Variants in TBC1D16 observed in about 807,000 individuals in gnomAD.
TBC1D16 encodes the protein CTD-2529O21.1.
In TBC1D16, 58 loss-of-function variants were observed where a neutral mutation model predicts 74.7. The observed-to-expected ratio is 0.78, with a 90% CI of 0.63 to 0.97. The LOEUF is 0.97. Among genes scored for constraint, TBC1D16 ranks in the 50% least tolerant of loss-of-function variants. The pLI is 0.00. For missense variants in TBC1D16, 1,014 were observed against 1,079.5 expected, an observed-to-expected ratio of 0.94 and a Z score of 0.85; for synonymous variants, 493 against 474.7, an observed-to-expected ratio of 1.04 and a Z score of -0.50.
At position 79,941,700 on chromosome 17, in the gene TBC1D16, C is replaced by T. The variant is rs974201988; in HGVS notation, c.2055+360G>A. Reference sequence around the variant, plus strand: ...CCCTGTCCCCAGGTCCAGCCTCCTTCTCAGTGTTCCCAGTTCTGGGTTGTA... The same window carrying T: ...CCCTGTCCCCAGGTCCAGCCTCCTTTTCAGTGTTCCCAGTTCTGGGTTGTA... On this transcript the variant is annotated intron_variant, in intron 11 of 11. Transcript: ENST00000310924. This position sits in a 1 kb window ranked among gnomAD's most constrained non-coding sequence, Gnocchi z 4.3. Among the ~76,000 whole-genome samples, 1 of 152,214 alleles carries T rather than the reference C, an allele frequency of 6.6e-6. No individual in the cohort carries two copies. Among genetic ancestry groups the T allele is most frequent in the Non-Finnish European group, 1.5e-5 (1 of 68,038 alleles).
chr17:79,973,068 C>A (rs758769355), intron 3 of TBC1D16, among the ~76,000 whole-genome samples: 1 of 152,120 alleles, frequency 6.6e-6, no homozygotes, highest in Non-Finnish European at 1.5e-5. Flanking sequence ...GGCAACAGAG[C>A]GAGACTTCGT....
Position 79,990,193 on chromosome 17 carries a change from G to A in TBC1D16, c.779+19967C>T, listed in dbSNP as rs2035004824. Among the ~76,000 whole-genome samples, 1 of 152,226 alleles carries A rather than the reference G, an allele frequency of 6.6e-6. No homozygotes were observed. Among genetic ancestry groups the A allele is most frequent in the African/African-American group, 2.4e-5 (1 of 41,452 alleles). On this transcript the variant is annotated intron_variant, in intron 3 of 11. Coordinates refer to ENST00000310924, the MANE Select transcript of TBC1D16 (RefSeq NM_019020.4). The surrounding 1 kb of genome is among the most constrained non-coding windows in gnomAD (Gnocchi z 4.8). Reference sequence around the variant, plus strand: ...TTTGACTTTCAGCTGCTCGGACGGAGGCTTCAACTCAGCCTGAACTAGCCG... The same window carrying A: ...TTTGACTTTCAGCTGCTCGGACGGAAGCTTCAACTCAGCCTGAACTAGCCG...
chr17:80,000,401 C>G lies in TBC1D16; in HGVS notation c.779+9759G>C, dbSNP rs2035443562. Among the ~76,000 whole-genome samples, 1 of 152,186 alleles carries G rather than the reference C, an allele frequency of 6.6e-6. No homozygotes were observed. Among genetic ancestry groups the G allele is most frequent in the South Asian group, 2.1e-4 (1 of 4,828 alleles). On this transcript the variant is annotated intron_variant, in intron 3 of 11. Coordinates refer to ENST00000310924, the MANE Select transcript of TBC1D16 (RefSeq NM_019020.4). The surrounding 1 kb of genome is among the most constrained non-coding windows in gnomAD (Gnocchi z 4.1). ...GGGACACACCCTGTCCATGTGGCAACAGAGGCAGGGGTCGGAATGATGTGG... is the reference window on the plus strand; with the variant it reads ...GGGACACACCCTGTCCATGTGGCAAGAGAGGCAGGGGTCGGAATGATGTGG...
At chr17:80,024,270 G>C (rs1406985272) in intron 1 of TBC1D16, among the ~76,000 whole-genome samples, 2 of 42,660 alleles carry the variant, frequency 4.7e-5, no homozygotes, top group Non-Finnish European at 9.6e-5. Context: ...CCCCGGAGGA[G>C]TCAGAGGCCG....
chr17:79,998,125 C>CAAAAAAAAAA (rs901486919), intron 3 of TBC1D16, among the ~76,000 whole-genome samples: 6 of 51,874 alleles, frequency 1.2e-4, no homozygotes, highest in African/African-American at 1.9e-4. Context: ...AACTCTGTCT[C>CAAAAAAAAAA]AAAAAAAAAA....
At chr17:79,973,847 C>G (rs767974806) in intron 3 of TBC1D16, among the ~76,000 whole-genome samples, 1 of 152,116 alleles carries the variant, frequency 6.6e-6, no homozygotes, top group African/African-American at 2.4e-5. Flanking sequence ...AGAGCAAGAC[C>G]CTGTCTCAAA....
Position 79,942,143 on chromosome 17 carries a change from C to A in TBC1D16, c.1972G>T (p.Glu658Ter), listed in dbSNP as rs139078916. Residue 658 changes from glutamate to a stop codon, truncating the protein, a stop_gained, in exon 11 of 12, where the codon GAG (glutamate) becomes TAG (stop). Transcript: ENST00000310924. LOFTEE classifies it high-confidence loss of function. Reference sequence around the variant, plus strand: ...ATCTGGTCCGTGGCCAGCTGCTGCTCGATGACGTCATCCCCGTAGATGGCC... The same window carrying A: ...ATCTGGTCCGTGGCCAGCTGCTGCTAGATGACGTCATCCCCGTAGATGGCC... ...IVAIYGDDVI[E>*]QQLATDQMLL... The A allele has an allele frequency of 9.3e-6, 15 of 1,610,474 alleles. No individual in the cohort carries two copies. Among genetic ancestry groups the A allele is most frequent in the Non-Finnish European group, 1.7e-6 (2 of 1,178,956 alleles).
chr17:80,023,665 C>CG (rs1484257196), intron 1 of TBC1D16, among the ~76,000 whole-genome samples: 4 of 142,754 alleles, frequency 2.8e-5, no homozygotes, highest in Admixed American at 6.8e-5. Context: ...GGGCCCCCCC[C>CG]CACCGGCTCA....
At chr17:79,991,081 T>C (rs896724627) in intron 3 of TBC1D16, among the ~76,000 whole-genome samples, 1 of 152,258 alleles carries the variant, frequency 6.6e-6, no homozygotes, top group African/African-American at 2.4e-5. Flanking sequence ...GCTCCTTCTC[T>C]TTATTTCTGA....
intron 3 of TBC1D16, among the ~76,000 whole-genome samples, chr17:79,963,206 G>T (rs1201796756): frequency 1.4e-5 from 2 of 145,338 alleles, no homozygotes; most frequent in Non-Finnish European, 3.0e-5. Context: ...GACAGAGTGG[G>T]ACTCCATCTC....
Position 79,950,496 on chromosome 17 carries a change from C to G in TBC1D16, c.1172G>C (p.Ser391Thr), listed in dbSNP as rs752250390. The G allele has an allele frequency of 6.2e-7, 1 of 1,613,404 alleles. No individual in the cohort carries two copies. The highest frequency in any genetic ancestry group is 1.7e-5 in the Admixed American group (1 of 59,964). Residue 391 changes from serine to threonine, a missense_variant, in exon 6 of 12, where the codon AGC (serine) becomes ACC (threonine). Physicochemically the swap from Ser to Thr is moderately conservative, Grantham distance 58. Coordinates refer to ENST00000310924, the MANE Select transcript of TBC1D16 (RefSeq NM_019020.4). The surrounding 1 kb of genome is among the most constrained non-coding windows in gnomAD (Gnocchi z 4.6). Reference sequence around the variant, plus strand: ...GGAGACGCCGAGCCTCTTGTACATGCTCTCCTCGGGGTGCGTCTCGGAGGA... The same window carrying G: ...GGAGACGCCGAGCCTCTTGTACATGGTCTCCTCGGGGTGCGTCTCGGAGGA... ...LPSSETHPEESMYKRLGVSAW... is the reference protein window; with the variant it reads ...LPSSETHPEETMYKRLGVSAW...
rs1324036199 is a variant in TBC1D16, at chr17:79,944,597, C to G, written c.1908+311G>C. On this transcript the variant is annotated intron_variant, in intron 10 of 11. Coordinates refer to ENST00000310924, the MANE Select transcript of TBC1D16 (RefSeq NM_019020.4). The surrounding 1 kb of genome is among the most constrained non-coding windows in gnomAD (Gnocchi z 7.7). ...CGCTCGTGGGCACCAGCGTCCTGGGCTGCTGTGGCCTAGTGTAGGCCCCCC... is the reference window on the plus strand; with the variant it reads ...CGCTCGTGGGCACCAGCGTCCTGGGGTGCTGTGGCCTAGTGTAGGCCCCCC... Among the ~76,000 whole-genome samples the G allele has an allele frequency of 1.3e-5, 2 of 152,164 alleles. No homozygotes were observed. The highest frequency in any genetic ancestry group is 2.9e-5 in the Non-Finnish European group (2 of 68,018).
At chr17:79,992,667 CCT>C (rs2035115752) in intron 3 of TBC1D16, 1 of 152,280 alleles carries the variant, frequency 6.6e-6, no homozygotes, top group African/African-American at 2.4e-5. Context: ...CTCTCCTCTC[CCT>C]GTCCCTGCCT....
chr17:79,970,446 C>T (rs1398718157), intron 3 of TBC1D16, among the ~76,000 whole-genome samples: 1 of 152,208 alleles, frequency 6.6e-6, no homozygotes, highest in African/African-American at 2.4e-5. Context: ...GGTCACTATG[C>T]ACCCGCTCTC....
rs895984704 is a variant in TBC1D16, at chr17:79,938,554, G to C, written c.*2305C>G. 6.6e-6 allele frequency: 1 copy of C among 152,324 alleles called. No homozygotes were observed. The highest frequency in any genetic ancestry group is 1.5e-5 in the Non-Finnish European group (1 of 68,126). 9.4% of individuals were successfully genotyped at this position (152,324 alleles called of 1,614,324 possible). A position where few individuals can be genotyped will look rare whatever the true frequency, so the allele number is the denominator to read the frequency against. ...AAAGGCACGAGGTATCTAGTGAAAT[G>C]CTAGGACCAGGGACGCTATTCCCCT... On this transcript the variant is annotated 3_prime_UTR_variant, in exon 12 of 12. Coordinates refer to ENST00000310924, the MANE Select transcript of TBC1D16 (RefSeq NM_019020.4).
chr17:80,014,361 A>T (rs1382002557), intron 1 of TBC1D16, among the ~76,000 whole-genome samples: 1 of 152,198 alleles, frequency 6.6e-6, no homozygotes, highest in African/African-American at 2.4e-5. Context: ...TGTCTCAAAA[A>T]AAAAGAAAGA....
chr17:80,001,169 A>C lies in TBC1D16; in HGVS notation c.779+8991T>G, dbSNP rs1346657017. On this transcript the variant is annotated intron_variant, in intron 3 of 11. Coordinates refer to ENST00000310924, the MANE Select transcript of TBC1D16 (RefSeq NM_019020.4). The surrounding 1 kb of genome is among the most constrained non-coding windows in gnomAD (Gnocchi z 5.8). ...CCAGTTCATGGGGCTCTGACCAGCC[A>C]GCTGCCCTTCCCGTAACAGCTTCCC... Among the ~76,000 whole-genome samples, 2 of 152,226 alleles carry C rather than the reference A, an allele frequency of 1.3e-5. No homozygotes were observed. Among genetic ancestry groups the C allele is most frequent in the African/African-American group, 4.8e-5 (2 of 41,472 alleles).
chr17:79,978,900 G>C (rs2034452922), intron 3 of TBC1D16, among the ~76,000 whole-genome samples: 1 of 152,210 alleles, frequency 6.6e-6, no homozygotes, highest in Non-Finnish European at 1.5e-5. Flanking sequence ...ACCACTCCCA[G>C]TTGCTCCTGA....
At chr17:79,965,649 G>A (rs944095471) in intron 3 of TBC1D16, among the ~76,000 whole-genome samples, 8 of 152,124 alleles carry the variant, frequency 5.3e-5, no homozygotes, top group Non-Finnish European at 1.0e-4. Flanking sequence ...CCCACAGCAG[G>A]GCAGGATGGA....
Sources: allele counts gnomAD v4.1 joint callset (sites outside exome capture counted in the v4.1 genomes callset), GRCh38; gene constraint gnomAD v4.1.1; non-coding constraint Gnocchi (gnomAD v3.1); transcripts MANE v1.5; gene names NCBI Gene and HGNC (gene_info 2026-07-23, HGNC 2026-07-21).